The following DIAPH2 variants were observed in gnomAD, a reference collection of about 807,000 sequenced individuals.
The protein encoded by DIAPH2 is protein diaphanous homolog 2.
A neutral mutation model predicts 92.7 loss-of-function variants in DIAPH2; 35 were observed. The ratio of observed to expected loss-of-function variants is 0.38; its 90% confidence interval spans 0.29 to 0.50. The LOEUF is 0.50. Ranked by LOEUF, DIAPH2 falls within the 20% of genes least tolerant of loss-of-function variation. The pLI, the probability that DIAPH2 is intolerant of heterozygous loss-of-function variation, is 0.94. For synonymous variants in DIAPH2, 301 were observed against 280.4 expected (o/e 1.07, Z -0.73); for missense variants, 701 against 819.5 (o/e 0.86, Z 1.77).
intron 22 of DIAPH2, among the ~76,000 whole-genome samples, chrX:97,210,198 A>G (rs1187885363): frequency 1.8e-5 from 2 of 112,000 alleles, no homozygotes; most frequent in African/African-American, 6.5e-5. Context: ...GTTTCAAGAT[A>G]TTATTTGACC....
intron 4 of DIAPH2, among the ~76,000 whole-genome samples, chrX:96,817,572 A>G (rs1274760663): frequency 9.0e-6 from 1 of 111,221 alleles, no homozygotes; most frequent in Non-Finnish European, 1.9e-5. Flanking sequence ...CCCACCATAG[A>G]CTGGGTGGCA....
intron 26 of DIAPH2, among the ~76,000 whole-genome samples, chrX:97,463,054 G>T (rs909031622): frequency 9.0e-6 from 1 of 110,908 alleles, no homozygotes; most frequent in Non-Finnish European, 1.9e-5. Context: ...GGAATTCAGG[G>T]CAGGATGTAT....
At chrX:97,254,218 G>A (rs765943847) in intron 23 of DIAPH2, among the ~76,000 whole-genome samples, 3 of 111,455 alleles carry the variant, frequency 2.7e-5, no homozygotes, top group South Asian at 7.7e-4. Context: ...AAGGCTGGGC[G>A]CGGTGGCTCA....
At chrX:97,255,782 A>C (rs910378495) in intron 23 of DIAPH2, among the ~76,000 whole-genome samples, 2 of 112,120 alleles carry the variant, frequency 1.8e-5, no homozygotes, top group African/African-American at 6.5e-5. Flanking sequence ...GATAGAAATC[A>C]CATTCTAAGA....
intron 1 of DIAPH2, among the ~76,000 whole-genome samples, chrX:96,705,467 T>C (rs1359220396): frequency 2.7e-5 from 3 of 112,453 alleles, no homozygotes; most frequent in Non-Finnish European, 5.6e-5. Flanking sequence ...CAATGATTGC[T>C]TTTACAAGAG....
chrX:97,155,112 A>G (rs1170021698), intron 22 of DIAPH2, among the ~76,000 whole-genome samples: 1 of 112,424 alleles, frequency 8.9e-6, no homozygotes, highest in Admixed American at 9.4e-5. Context: ...CAGCAGTAGT[A>G]CAGGTGGTAT....
intron 26 of DIAPH2, chrX:97,449,676 C>T (rs2070342525): frequency 1.3e-6 from 1 of 751,408 alleles, no homozygotes; most frequent in Non-Finnish European, 1.6e-6. Flanking sequence ...TTTCATCTGA[C>T]TAAATCTCCA....
intron 23 of DIAPH2, among the ~76,000 whole-genome samples, chrX:97,345,029 A>G (rs960892921): frequency 8.9e-6 from 1 of 112,314 alleles, no homozygotes; most frequent in Non-Finnish European, 1.9e-5. Flanking sequence ...TGTCACTTTC[A>G]TTCTTTGCTA....
intron 19 of DIAPH2, among the ~76,000 whole-genome samples, chrX:97,080,675 A>G (rs1487220214): frequency 9.0e-6 from 1 of 111,717 alleles, no homozygotes; most frequent in Non-Finnish European, 1.9e-5. Context: ...TCAGAATGAC[A>G]CGAAGATCAT....
chrX:97,147,339 C>A (rs1000269028), intron 22 of DIAPH2, among the ~76,000 whole-genome samples: 1 of 109,175 alleles, frequency 9.2e-6, no homozygotes, highest in African/African-American at 3.3e-5. Context: ...TTTGGTGAAC[C>A]ACAATTATTT....
At chrX:96,921,445 C>T (rs1176913402) in intron 9 of DIAPH2, among the ~76,000 whole-genome samples, 2 of 111,564 alleles carry the variant, frequency 1.8e-5, no homozygotes. Flanking sequence ...TCTAACTAGC[C>T]TCTTGTCTCT....
chrX:96,966,109 T>C (rs1444071552), intron 17 of DIAPH2, among the ~76,000 whole-genome samples: 3 of 111,553 alleles, frequency 2.7e-5, no homozygotes, highest in Non-Finnish European at 5.7e-5. Flanking sequence ...TTCTTTTTTT[T>C]AGATTATGTA....
At chrX:97,209,913 G>A (rs1173292493) in intron 22 of DIAPH2, among the ~76,000 whole-genome samples, 1 of 110,440 alleles carries the variant, frequency 9.1e-6, no homozygotes, top group African/African-American at 3.3e-5. Context: ...ATATTAATCT[G>A]AATGATGAAT....
chrX:96,736,364 G>C (rs2064087704), intron 2 of DIAPH2, among the ~76,000 whole-genome samples: 1 of 110,595 alleles, frequency 9.0e-6, no homozygotes, highest in Non-Finnish European at 1.9e-5. Flanking sequence ...TAGTGATAGT[G>C]CTCAAAGGAG....
chrX:97,576,928 A>G (rs2071402980), intron 26 of DIAPH2, among the ~76,000 whole-genome samples: 1 of 111,645 alleles, frequency 9.0e-6, no homozygotes, highest in Admixed American at 9.6e-5. Flanking sequence ...TTTTGCGACT[A>G]ATGTTCAGAA....
chrX:96,870,353 C>T (rs1433929534), intron 4 of DIAPH2, among the ~76,000 whole-genome samples: 2 of 110,050 alleles, frequency 1.8e-5, no homozygotes, highest in Non-Finnish European at 3.8e-5. Flanking sequence ...GCTCCACCTC[C>T]GGGGTTCACG....
chrX:97,045,848 ATTTT>A (rs758666786), intron 17 of DIAPH2, among the ~76,000 whole-genome samples: 1 of 64,439 alleles, frequency 1.6e-5, no homozygotes, highest in Non-Finnish European at 2.9e-5. Flanking sequence ...GTATTTTAGG[ATTTT>A]TTTTTTTTTT....
At chrX:97,032,705 A>G (rs192811586) in intron 17 of DIAPH2, among the ~76,000 whole-genome samples, 1 of 111,725 alleles carries the variant, frequency 9.0e-6, no homozygotes, top group African/African-American at 3.2e-5. Context: ...GAAGTATTTC[A>G]AAGAGATTAT....
At chrX:97,202,600 T>C (rs745430391) in intron 22 of DIAPH2, among the ~76,000 whole-genome samples, 1 of 112,522 alleles carries the variant, frequency 8.9e-6, no homozygotes, top group African/African-American at 3.2e-5. Context: ...TACTACCTAA[T>C]GGTATAGAGA....
Sources: gnomAD v4.1 joint callset for allele counts (sites outside exome capture counted in the v4.1 genomes callset) on GRCh38, gnomAD v4.1.1 for gene constraint, MANE v1.5 for transcripts, NCBI Gene and HGNC (gene_info 2026-07-23, HGNC 2026-07-21) for gene names.